Variants in ARMC9 observed in about 807,000 individuals in gnomAD.
ARMC9 encodes the protein armadillo repeat containing 9.
Under a neutral mutation model 107.0 loss-of-function variants are expected in ARMC9, and 94 were observed. That is an observed-to-expected ratio of 0.88 (90% CI 0.74 to 1.04). ARMC9 has a LOEUF of 1.04. Ranked by LOEUF, ARMC9 falls within the 50% of genes least tolerant of loss-of-function variation. The probability of loss-of-function intolerance (pLI) is 0.00; values close to 1 mark genes in which losing one functional copy is unlikely to be tolerated. For missense variants in ARMC9, 942 were observed against 1,030.1 expected (o/e 0.91, Z 1.17); for synonymous variants, 380 against 396.9 (o/e 0.96, Z 0.51).
chr2:231,286,665 A>G (rs2040610389), intron 17 of ARMC9, among the ~76,000 whole-genome samples: 1 of 152,224 alleles, frequency 6.6e-6, no homozygotes, highest in African/African-American at 2.4e-5. Flanking sequence ...CAAAATATTA[A>G]TATCTATTGA....
chr2:231,360,213 G>A lies in ARMC9; in HGVS notation c.2132-541G>A, dbSNP rs1341494394. 2.6e-5 allele frequency among the ~76,000 whole-genome samples: 4 copies of A among 152,148 alleles called. No homozygotes were observed. The highest frequency in any genetic ancestry group is 2.6e-4 in the Admixed American group (4 of 15,280). ...TGCGTGTCCCGGGTGGCCTGGTTCTGGGTGGGCATCAGCTACAGCACAAGT... is the reference window on the plus strand; with the variant it reads ...TGCGTGTCCCGGGTGGCCTGGTTCTAGGTGGGCATCAGCTACAGCACAAGT... On this transcript the variant is annotated intron_variant, in intron 22 of 24. Coordinates refer to ENST00000611582, the MANE Select transcript of ARMC9 (RefSeq NM_001352754.2). The surrounding 1 kb of genome is among the most constrained non-coding windows in gnomAD (Gnocchi z 4.7).
At position 231,371,676 on chromosome 2, in the gene ARMC9, G is replaced by A; in HGVS notation, c.*141G>A. On this transcript the variant is annotated 3_prime_UTR_variant, in exon 25 of 25. Transcript: ENST00000611582. ...AGCTGAGGGGAGGCCGGCTCTCCAG[G>A]CAGCACCAGAGCAAGGCCATCGCAG... The A allele has an allele frequency of 1.1e-6, 1 of 893,816 alleles. No homozygotes were observed. Among genetic ancestry groups the A allele is most frequent in the Non-Finnish European group, 1.5e-6 (1 of 679,532 alleles). The allele number at this position is 893,816 out of a possible 1,614,324, so 55.4% of individuals were successfully genotyped here.
intron 5 of ARMC9, among the ~76,000 whole-genome samples, chr2:231,217,473 G>A (rs1383044993): frequency 6.6e-6 from 1 of 151,730 alleles, no homozygotes; most frequent in African/African-American, 2.4e-5. Context: ...AGGAGGCTGA[G>A]GCAGAACAGT....
At chr2:231,236,996 T>C (rs897572642) in intron 8 of ARMC9, among the ~76,000 whole-genome samples, 9 of 152,184 alleles carry the variant, frequency 5.9e-5, no homozygotes, top group African/African-American at 2.2e-4. Flanking sequence ...GCTGGACTCT[T>C]TACTAGCCTT....
intron 21 of ARMC9, among the ~76,000 whole-genome samples, chr2:231,346,998 C>T (rs2044843145): frequency 6.6e-6 from 1 of 152,142 alleles, no homozygotes; most frequent in Admixed American, 6.5e-5. Flanking sequence ...TGAGAGGCAA[C>T]AATGACATAA....
intron 5 of ARMC9, among the ~76,000 whole-genome samples, chr2:231,220,439 A>T (rs1000614408): frequency 2.0e-5 from 3 of 151,950 alleles, no homozygotes; most frequent in Non-Finnish European, 4.4e-5. Context: ...TCTACTAAAA[A>T]TACAAAAATT....
At chr2:231,296,651 T>TCCTG (rs1288909035) in intron 19 of ARMC9, among the ~76,000 whole-genome samples, 5 of 152,090 alleles carry the variant, frequency 3.3e-5, no homozygotes, top group African/African-American at 9.7e-5. Context: ...GCGTGAGGGG[T>TCCTG]CCTGGGTTTA....
chr2:231,206,806 C>G (rs2125306850), intron 2 of ARMC9, among the ~76,000 whole-genome samples: 1 of 152,254 alleles, frequency 6.6e-6, no homozygotes, highest in East Asian at 1.9e-4. Flanking sequence ...ACGCTAAAAG[C>G]TTTGACAAGT....
intron 17 of ARMC9, among the ~76,000 whole-genome samples, chr2:231,284,892 G>C (rs922838470): frequency 6.6e-6 from 1 of 152,100 alleles, no homozygotes; most frequent in Non-Finnish European, 1.5e-5. Flanking sequence ...CTCAATTTTG[G>C]TTTGTCTTTT....
chr2:231,302,019 T>C (rs569286663), intron 19 of ARMC9, among the ~76,000 whole-genome samples: 52 of 152,290 alleles, frequency 3.4e-4, no homozygotes, highest in African/African-American at 1.2e-3. Context: ...TTATAGTTCC[T>C]GGGTCTCCTG....
chr2:231,279,968 A>C (rs1182254215), intron 16 of ARMC9, among the ~76,000 whole-genome samples: 1 of 152,176 alleles, frequency 6.6e-6, no homozygotes, highest in Non-Finnish European at 1.5e-5. Flanking sequence ...GCTCTGAACT[A>C]CTTCCAGGCC....
chr2:231,239,175 G>A (rs1187304611), intron 8 of ARMC9, among the ~76,000 whole-genome samples: 1 of 152,162 alleles, frequency 6.6e-6, no homozygotes, highest in African/African-American at 2.4e-5. Flanking sequence ...ATTCAGGAGA[G>A]GTTGTGGTAC....
intron 9 of ARMC9, among the ~76,000 whole-genome samples, chr2:231,254,811 A>G (rs527358181): frequency 3.9e-5 from 6 of 152,290 alleles, no homozygotes; most frequent in African/African-American, 1.4e-4. Flanking sequence ...CTTCAGCAAT[A>G]AATGGCATTT....
At chr2:231,256,377 T>C in intron 9 of ARMC9, 4 of 1,334,918 alleles carry the variant, frequency 3.0e-6, no homozygotes, top group South Asian at 1.3e-5. Context: ...TGTCACAGTC[T>C]GCTCCTTTTT....
chr2:231,270,717 C>T, intron 12 of ARMC9: 1 of 602,786 alleles, frequency 1.7e-6, no homozygotes. Flanking sequence ...GCAAACAGGA[C>T]TGCTTCCCTC....
At chr2:231,354,247 A>G (rs116535436) in intron 21 of ARMC9, among the ~76,000 whole-genome samples, 260 of 139,270 alleles carry the variant, frequency 1.9e-3, no homozygotes, top group African/African-American at 7.3e-3. Flanking sequence ...AAGTCAACAC[A>G]GACCTCATCT....
At chr2:231,359,275 C>G (rs1458693669) in intron 22 of ARMC9, among the ~76,000 whole-genome samples, 1 of 151,856 alleles carries the variant, frequency 6.6e-6, no homozygotes, top group East Asian at 1.9e-4. Context: ...TTAGTAGAGA[C>G]AGGGTTTTAC....
chr2:231,250,170 C>T (rs2037166069), intron 9 of ARMC9, among the ~76,000 whole-genome samples: 1 of 152,172 alleles, frequency 6.6e-6, no homozygotes, highest in Non-Finnish European at 1.5e-5. Flanking sequence ...GTCAGAGCCT[C>T]CGTAGCAGGT....
chr2:231,271,253 G>A (rs1207179459), intron 13 of ARMC9, among the ~76,000 whole-genome samples, 181 bp downstream of exon 13: 1 of 152,154 alleles, frequency 6.6e-6, no homozygotes, highest in Non-Finnish European at 1.5e-5. Context: ...GTTTATATCA[G>A]AGCACATTTG....
Sources: gnomAD v4.1 joint callset for allele counts (sites outside exome capture counted in the v4.1 genomes callset) on GRCh38, gnomAD v4.1.1 for gene constraint, Gnocchi (gnomAD v3.1) non-coding constraint, MANE v1.5 for transcripts, NCBI Gene and HGNC (gene_info 2026-07-23, HGNC 2026-07-21) for gene names.